Variants in KCNH5 observed in about 807,000 individuals in gnomAD.
KCNH5 encodes potassium voltage-gated channel subfamily H member 5.
Under a neutral mutation model 96.1 loss-of-function variants are expected in KCNH5, and 46 were observed. The ratio of observed to expected loss-of-function variants is 0.48; its 90% CI spans 0.38 to 0.61. KCNH5 has a LOEUF of 0.61. Among genes scored for constraint, KCNH5 ranks in the 20% least tolerant of loss-of-function variants. KCNH5 has a pLI of 0.00. For synonymous variants in KCNH5, 439 were observed against 449.8 expected (o/e 0.98, Z 0.30); for missense variants, 907 against 1,225.8 (o/e 0.74, Z 3.88).
chr14:62,730,108 T>A (rs1885018603), intron 10 of KCNH5, among the ~76,000 whole-genome samples: 2 of 152,240 alleles, frequency 1.3e-5, no homozygotes, highest in South Asian at 4.1e-4. Context: ...AACTTTTTTA[T>A]AAAATTGAAG....
At chr14:62,930,635 TAACAG>T (rs1473742633) in intron 7 of KCNH5, among the ~76,000 whole-genome samples, 115 of 152,232 alleles carry the variant, frequency 7.6e-4, no homozygotes, top group Non-Finnish European at 1.4e-3. Context: ...AAAACACCTG[TAACAG>T]GTTTACCAAC....
At chr14:62,968,912 G>A (rs1283560436) in intron 6 of KCNH5, among the ~76,000 whole-genome samples, 1 of 151,966 alleles carries the variant, frequency 6.6e-6, no homozygotes, top group Admixed American at 6.6e-5. Flanking sequence ...TGCCAAATAG[G>A]GTCACCAACA....
intron 7 of KCNH5, among the ~76,000 whole-genome samples, chr14:62,854,666 A>G (rs1368567648): frequency 2.0e-5 from 3 of 151,910 alleles, no homozygotes; most frequent in Admixed American, 6.6e-5. Flanking sequence ...ATTTGTGACA[A>G]TTTCATAAGG....
intron 6 of KCNH5, among the ~76,000 whole-genome samples, chr14:62,967,232 T>C (rs1478848914): frequency 6.6e-6 from 1 of 152,000 alleles, no homozygotes; most frequent in African/African-American, 2.4e-5. Flanking sequence ...TAGATGCAAT[T>C]TACTGATGAG....
chr14:62,968,373 T>C (rs1315643879), intron 6 of KCNH5, among the ~76,000 whole-genome samples: 1 of 152,174 alleles, frequency 6.6e-6, no homozygotes, highest in Non-Finnish European at 1.5e-5. Flanking sequence ...CATCTTTGTA[T>C]TTATTTGTAT....
Position 63,045,245 on chromosome 14 carries a change from AG to A in KCNH5, c.-60del. 7.7e-7 allele frequency: 1 copy of A among 1,297,320 alleles called. No individual in the cohort carries two copies. Among genetic ancestry groups the A allele is most frequent in the Non-Finnish European group, 1.1e-6 (1 of 898,272 alleles). The allele number at this position is 1,297,320 out of a possible 1,614,324, so 80.4% of individuals were successfully genotyped here. A position where few individuals can be genotyped will look rare whatever the true frequency, so the allele number is the denominator to read the frequency against. ...GCGGGGGAGGGGGGGATGCAGGCAA[AG>A]AAGGTGGAGGAAGAGGAGGAAAAGG... On this transcript the variant is annotated 5_prime_UTR_variant, in exon 1 of 11. Coordinates refer to ENST00000322893, the MANE Select transcript of KCNH5 (RefSeq NM_139318.5).
intron 7 of KCNH5, among the ~76,000 whole-genome samples, chr14:62,859,732 T>A (rs1236806763): frequency 6.6e-6 from 1 of 152,204 alleles, no homozygotes; most frequent in Non-Finnish European, 1.5e-5. Flanking sequence ...TGGGAAGACT[T>A]CCCTTCACTG....
At chr14:62,760,777 G>C (rs1265026610) in intron 10 of KCNH5, among the ~76,000 whole-genome samples, 1 of 152,172 alleles carries the variant, frequency 6.6e-6, no homozygotes, top group Non-Finnish European at 1.5e-5. Context: ...AAGATCACCT[G>C]ACTGGAAGGC....
At position 62,895,774 on chromosome 14, in the gene KCNH5, A is replaced by C. The variant is rs574152400; in HGVS notation, c.1370-45922T>G. Among the ~76,000 whole-genome samples the C allele has an allele frequency of 3.3e-5, 5 of 152,362 alleles. No homozygotes were observed. The East Asian group carries it at 9.6e-4, about 29-fold the overall frequency. The stretch of plus-strand genomic sequence containing the variant: ...ACTGATGTCTTTTTCTCATTAAAAA[A>C]TCTAGTGGTAGAACTTAGACTCCAA... On this transcript the variant is annotated intron_variant, in intron 7 of 10. Transcript: ENST00000322893.
At chr14:62,941,130 A>G (rs1241198785) in intron 7 of KCNH5, among the ~76,000 whole-genome samples, 1 of 152,238 alleles carries the variant, frequency 6.6e-6, no homozygotes, top group African/African-American at 2.4e-5. Context: ...ATACCAGAAC[A>G]CCTGGCACAA....
intron 4 of KCNH5, among the ~76,000 whole-genome samples, chr14:62,993,069 G>A (rs1023813603): frequency 6.6e-6 from 1 of 151,980 alleles, no homozygotes; most frequent in Non-Finnish European, 1.5e-5. Context: ...ATTGAAAAAG[G>A]TCTCCTTTCC....
Position 63,045,046 on chromosome 14 carries a change from T to G in KCNH5, c.73+68A>C, listed in dbSNP as rs567078443. The G allele has an allele frequency of 5.4e-4, 640 of 1,189,938 alleles. 6 individuals are homozygous for G. The African/African-American group carries it at 8.3e-3, about 15-fold the overall frequency. 73.7% of individuals were successfully genotyped at this position (1,189,938 alleles called of 1,614,324 possible). On this transcript the variant is annotated intron_variant, in intron 1 of 10. Transcript: ENST00000322893. Reference sequence around the variant, plus strand: ...CTCCCCCCTTGGGAGAGGGATGGGATGGGGAGGATGGGGGGCGCGTGTGGG... The same window carrying G: ...CTCCCCCCTTGGGAGAGGGATGGGAGGGGGAGGATGGGGGGCGCGTGTGGG...
intron 1 of KCNH5, among the ~76,000 whole-genome samples, chr14:63,023,015 C>G (rs932197624): frequency 1.3e-5 from 2 of 151,898 alleles, no homozygotes; most frequent in Non-Finnish European, 2.9e-5. Context: ...GCCAGCCTAG[C>G]CAACATGGTG....
intron 6 of KCNH5, 145 bp from the exon 7 acceptor site, chr14:62,950,704 AAAC>A (rs1306335439): frequency 1.7e-6 from 1 of 586,448 alleles, no homozygotes; most frequent in Admixed American, 4.0e-5. Context: ...GATTTTAAGA[AAAC>A]AAAAAAGTCA....
chr14:62,892,397 A>C (rs1472381922), intron 7 of KCNH5, among the ~76,000 whole-genome samples: 1 of 152,234 alleles, frequency 6.6e-6, no homozygotes, highest in Admixed American at 6.5e-5. Flanking sequence ...CAGAAGTTGC[A>C]AGCTACCAGA....
At chr14:62,959,660 T>C (rs1890169842) in intron 6 of KCNH5, among the ~76,000 whole-genome samples, 1 of 152,180 alleles carries the variant, frequency 6.6e-6, no homozygotes, top group Non-Finnish European at 1.5e-5. Context: ...GTCACTAGTA[T>C]AATCCTCTGT....
chr14:63,031,502 C>T (rs1489916803), intron 1 of KCNH5, among the ~76,000 whole-genome samples: 1 of 151,886 alleles, frequency 6.6e-6, no homozygotes, highest in East Asian at 1.9e-4. Flanking sequence ...CGAGCTGCTC[C>T]AACATGATCG....
chr14:62,796,874 G>A (rs1886552586), intron 9 of KCNH5, among the ~76,000 whole-genome samples: 1 of 152,130 alleles, frequency 6.6e-6, no homozygotes, highest in Non-Finnish European at 1.5e-5. Flanking sequence ...AAGCAGAGAG[G>A]GAGCTTTCAG....
At chr14:62,883,739 C>T (rs1888539139) in intron 7 of KCNH5, among the ~76,000 whole-genome samples, 1 of 151,652 alleles carries the variant, frequency 6.6e-6, no homozygotes, top group South Asian at 2.1e-4. Context: ...TCCTTTTTTC[C>T]ACCACAGATA....
Sources: gnomAD v4.1 joint callset for allele counts (sites outside exome capture counted in the v4.1 genomes callset) on GRCh38, gnomAD v4.1.1 for gene constraint, MANE v1.5 for transcripts, NCBI Gene and HGNC (gene_info 2026-07-23, HGNC 2026-07-21) for gene names.